HMG20B: variants seen among roughly 807,000 people sequenced by gnomAD.
HMG20B encodes the protein high mobility group 20B.
A neutral mutation model predicts 41.6 loss-of-function variants in HMG20B; 24 were observed. That is an observed-to-expected ratio of 0.58 (90% CI 0.42 to 0.81). The LOEUF is 0.81. Ranked by LOEUF, HMG20B falls within the 30% of genes least tolerant of loss-of-function variation. The pLI, the probability that HMG20B is intolerant of heterozygous loss-of-function variation, is 0.00. For synonymous variants in HMG20B, 251 were observed against 186.6 expected (o/e 1.34, Z -2.81); for missense variants, 461 against 444.0 (o/e 1.04, Z -0.34).
chr19:3,573,447 C>A, intron 2 of HMG20B, 100 bp downstream of exon 2: 3 of 1,277,302 alleles, frequency 2.3e-6, no homozygotes, highest in South Asian at 1.5e-5. Flanking sequence ...AGTCTTGACT[C>A]CCCCACCTGG....
At position 3,578,090 on chromosome 19, in the gene HMG20B, G is replaced by A; in HGVS notation, c.918G>A (p.Lys306=). The A allele has an allele frequency of 1.2e-6, 2 of 1,611,412 alleles. No individual in the cohort carries two copies. Among genetic ancestry groups the A allele is most frequent in the Non-Finnish European group, 1.7e-6 (2 of 1,179,424 alleles). The change falls in exon 9 of 10, where the codon AAG becomes AAA. Residue 306 remains lysine, a synonymous_variant. Coordinates refer to ENST00000333651, the MANE Select transcript of HMG20B (RefSeq NM_006339.3). Reference sequence around the variant, plus strand: ...ACGAGAAGCTCATCGTCCGCATCAAGGAAATCCTGGCCCAGGTCGCCAGGT... The same window carrying A: ...ACGAGAAGCTCATCGTCCGCATCAAAGAAATCCTGGCCCAGGTCGCCAGGT... ...AQHEKLIVRI[K]EILAQVASEH...
Position 3,575,644 on chromosome 19 carries a change from G to C in HMG20B, c.456G>C (p.Glu152Asp). 6.4e-7 allele frequency: 1 copy of C among 1,550,878 alleles called. No homozygotes were observed. The highest frequency in any genetic ancestry group is 8.7e-7 in the Non-Finnish European group (1 of 1,146,782). Residue 152 changes from glutamate to aspartate, a missense_variant, in exon 5 of 10, where the codon GAG becomes GAC. Glu to Asp is a conservative substitution (Grantham distance 45). Transcript: ENST00000333651. ...AGATGTGCACGGAGAAGATCCAGGA[G>C]AAGAAGATCAAGAAAGGTGGGAGGG... ...AYKMCTEKIQEKKIKKEDSSS... is the reference protein window; with the variant it reads ...AYKMCTEKIQDKKIKKEDSSS...
At chr19:3,576,163 T>G (rs2032157497) in intron 5 of HMG20B, 98 bp from the exon 6 acceptor site, 1 of 1,056,814 alleles carries the variant, frequency 9.5e-7, no homozygotes, top group Non-Finnish European at 1.5e-6. Flanking sequence ...GGCACTCAAG[T>G]GGGGAGCTGG....
chr19:3,573,524 C>T (rs2032087007), intron 2 of HMG20B, 168 bp from the exon 3 acceptor site: 2 of 879,716 alleles, frequency 2.3e-6, no homozygotes, highest in African/African-American at 1.8e-5. Context: ...CTCCCAGGAG[C>T]CCCGCTTGTC....
chr19:3,576,801 G>A lies in HMG20B; in HGVS notation c.593-91G>A, dbSNP rs1034280614. The A allele has an allele frequency of 2.5e-4, 352 of 1,436,416 alleles. 2 individuals are homozygous for A. Among genetic ancestry groups the A allele is most frequent in the Non-Finnish European group, 6.7e-6 (7 of 1,050,416 alleles). 89.0% of individuals were successfully genotyped at this position (1,436,416 alleles called of 1,614,324 possible). A position where few individuals can be genotyped will look rare whatever the true frequency, so the allele number is the denominator to read the frequency against. ...GAGCAGGAGGCAGAGGGCGCAGTGA[G>A]GGAAACCTGGGCAGGGGCACGTCCC... On this transcript the variant is annotated intron_variant, in intron 7 of 9. Coordinates refer to ENST00000333651, the MANE Select transcript of HMG20B (RefSeq NM_006339.3).
At chr19:3,575,093 C>CT (rs1389800948) in intron 4 of HMG20B, among the ~76,000 whole-genome samples, 1 of 152,162 alleles carries the variant, frequency 6.6e-6, no homozygotes, top group Non-Finnish European at 1.5e-5. Context: ...AAAGATATGT[C>CT]TAAGAAGTCA....
intron 2 of HMG20B, 149 bp downstream of exon 2, chr19:3,573,496 C>G: frequency 2.1e-6 from 2 of 956,656 alleles, no homozygotes; most frequent in Non-Finnish European, 3.0e-6. Flanking sequence ...CTGCACCCCC[C>G]ACCTCGGCCT....
At chr19:3,575,345 G>A (rs56208656) in intron 4 of HMG20B, among the ~76,000 whole-genome samples, 195 bp from the exon 5 acceptor site, 13,611 of 152,150 alleles carry the variant, frequency 0.089, 826 homozygotes, top group South Asian at 0.21. Context: ...GGAAGAGTCC[G>A]GGGCATGGGA....
intron 8 of HMG20B, 124 bp from the exon 9 acceptor site, chr19:3,577,857 T>C: frequency 1.2e-6 from 1 of 842,426 alleles, no homozygotes; most frequent in Non-Finnish European, 1.8e-6. Context: ...GCTCCTGCGC[T>C]GGCGGTGTCC....
Position 3,572,950 on chromosome 19 carries a change from T to G in HMG20B, c.-63T>G. 2 of 229,476 alleles carry G rather than the reference T, an allele frequency of 8.7e-6. No homozygotes were observed. Among genetic ancestry groups the G allele is most frequent in the Non-Finnish European group, 8.6e-6 (1 of 116,572 alleles). The allele number at this position is 229,476 out of a possible 1,614,324, so 14.2% of individuals were successfully genotyped here. On this transcript the variant is annotated 5_prime_UTR_variant, in exon 1 of 10. Coordinates refer to ENST00000333651, the MANE Select transcript of HMG20B (RefSeq NM_006339.3). Reference sequence around the variant, plus strand: ...ACGGGGGCGGGCTGCGGGCGGTTGGTTGGAGCGTCGCGCAGTCGGGAGGTC... The same window carrying G: ...ACGGGGGCGGGCTGCGGGCGGTTGGGTGGAGCGTCGCGCAGTCGGGAGGTC...
At chr19:3,573,434 C>G in intron 2 of HMG20B, 87 bp downstream of exon 2, 2 of 1,360,064 alleles carry the variant, frequency 1.5e-6, no homozygotes, top group Non-Finnish European at 1.9e-6. Flanking sequence ...TCCCTCCCGC[C>G]GGAGTCTTGA....
At chr19:3,574,344 G>T in intron 3 of HMG20B, 39 bp from the exon 4 acceptor site, 7 of 1,346,322 alleles carry the variant, frequency 5.2e-6, no homozygotes, top group Non-Finnish European at 6.9e-6. Flanking sequence ...GCCCCAGTAC[G>T]CCAGGCCCCC....
chr19:3,578,408 T>C, intron 9 of HMG20B, 101 bp from the exon 10 acceptor site: 2 of 1,421,382 alleles, frequency 1.4e-6, no homozygotes, highest in Non-Finnish European at 1.9e-6. Context: ...CTGGCATCTG[T>C]TGGAGCAGCT....
intron 5 of HMG20B, chr19:3,575,895 G>C (rs1363004626): frequency 1.9e-5 from 9 of 461,726 alleles, no homozygotes. Flanking sequence ...AGTGAGCCAA[G>C]ATTGCGCCAT....
intron 1 of HMG20B, 45 bp from the exon 2 acceptor site, chr19:3,573,247 G>A: frequency 1.4e-6 from 2 of 1,472,466 alleles, no homozygotes; most frequent in South Asian, 1.3e-5. Context: ...GTCTGCCATC[G>A]GGCAGCCCGG....
At chr19:3,574,714 A>AATT in intron 4 of HMG20B, 128 bp downstream of exon 4, 2 of 710,614 alleles carry the variant, frequency 2.8e-6, no homozygotes, top group Non-Finnish European at 4.3e-6. Context: ...CCCATAACCA[A>AATT]CTTTTTTTTT....
rs867355774 is a variant in HMG20B at position 3,576,396 on chromosome 19, T to C, written c.519+89T>C. 6.9e-5 allele frequency: 99 copies of C among 1,445,052 alleles called. 1 individual carries two copies. The Middle Eastern group carries it at 5.4e-3, about 79-fold the overall frequency. The allele number at this position is 1,445,052 out of a possible 1,614,324, so 89.5% of individuals were successfully genotyped here. On this transcript the variant is annotated intron_variant, in intron 6 of 9. Coordinates refer to ENST00000333651, the MANE Select transcript of HMG20B (RefSeq NM_006339.3). ...GAGTCAGAGCCAGTGCTCGCCCAGATGTGTGCAAGCAGGGGCGGTGCCACT... is the reference window on the plus strand; with the variant it reads ...GAGTCAGAGCCAGTGCTCGCCCAGACGTGTGCAAGCAGGGGCGGTGCCACT...
chr19:3,573,167 G>A (rs1003395919), intron 1 of HMG20B, 125 bp from the exon 2 acceptor site: 12 of 716,456 alleles, frequency 1.7e-5, no homozygotes, highest in South Asian at 1.3e-4. Context: ...CCCTGCCCCT[G>A]GATCCGGCCC....
In HMG20B at chr19:3,575,523, C is replaced by G. The variant is rs1373897305; in HGVS notation, c.352-17C>G. 3 of 1,562,174 alleles carry G rather than the reference C, an allele frequency of 1.9e-6. No homozygotes were observed. Among genetic ancestry groups the G allele is most frequent in the Non-Finnish European group, 2.6e-6 (3 of 1,153,974 alleles). ...GGAGGCTTCCCCTGCTTCAAGCCTT[C>G]TGGTGCTGCCCCCCAGCGGTACCTG... On this transcript the variant is annotated splice_polypyrimidine_tract_variant and intron_variant, in intron 4 of 9. Coordinates refer to ENST00000333651, the MANE Select transcript of HMG20B (RefSeq NM_006339.3).
Sources: allele counts gnomAD v4.1 joint callset (sites outside exome capture counted in the v4.1 genomes callset), GRCh38; gene constraint gnomAD v4.1.1; transcripts MANE v1.5; gene names NCBI Gene and HGNC (gene_info 2026-07-23, HGNC 2026-07-21).